SLC35B3: variants seen among roughly 807,000 people sequenced by gnomAD.
SLC35B3 encodes the protein adenosine 3'-phospho 5'-phosphosulfate transporter 2.
A neutral mutation model predicts 44.1 loss-of-function variants in SLC35B3; 35 were observed. That is an observed-to-expected ratio of 0.79 (90% CI 0.61 to 1.05). The LOEUF (loss-of-function observed/expected upper bound fraction) is 1.05, where lower values mean the gene tolerates loss of function less well. Ranked by LOEUF, SLC35B3 falls within the 50% of genes least tolerant of loss-of-function variation. The pLI, the probability that SLC35B3 is intolerant of heterozygous loss-of-function variation, is 0.00. For missense variants in SLC35B3, 414 were observed against 476.4 expected, an observed-to-expected ratio of 0.87 and a Z score of 1.22; for synonymous variants, 146 against 167.3, an observed-to-expected ratio of 0.87 and a Z score of 0.98.
rs2113289072 is a variant in SLC35B3, at chr6:8,417,394, G to C, written c.873+8C>G. ...AGATTTTTTTTTTTAAATGTGATTA[G>C]TGTTTACCTTTGCACAAAATGTTAC... On this transcript the variant is annotated splice_region_variant and intron_variant, in intron 8 of 10. Coordinates refer to ENST00000644923, the MANE Select transcript of SLC35B3 (RefSeq NM_001370476.2). 6.6e-7 allele frequency: 1 copy of C among 1,522,758 alleles called. No homozygotes were observed. Among genetic ancestry groups the C allele is most frequent in the South Asian group, 1.2e-5 (1 of 84,158 alleles). 94.3% of individuals were successfully genotyped at this position (1,522,758 alleles called of 1,614,324 possible).
chr6:8,432,854 G>A lies in SLC35B3; in HGVS notation c.3+1531C>T, dbSNP rs942706859. On this transcript the variant is annotated intron_variant, in intron 2 of 10. Transcript: ENST00000644923. The surrounding 1 kb of genome is among the most constrained non-coding windows in gnomAD (Gnocchi z 4.8). ...GGAAATACAGACCTGAATTTCCAACGCTGCCTTCTCTCCTGAGATCCAGAG... is the reference window on the plus strand; with the variant it reads ...GGAAATACAGACCTGAATTTCCAACACTGCCTTCTCTCCTGAGATCCAGAG... Among the ~76,000 whole-genome samples the A allele has an allele frequency of 5.3e-5, 8 of 152,210 alleles. No individual in the cohort carries two copies. The East Asian group carries it at 1.5e-3, about 29-fold the overall frequency.
At chr6:8,416,750 C>T (rs1762443950) in intron 9 of SLC35B3, 134 bp downstream of exon 8, 8 of 454,262 alleles carry the variant, frequency 1.8e-5, no homozygotes, top group Admixed American at 8.2e-5. Flanking sequence ...ACACCATAAG[C>T]CAAAGAATAA....
rs1218411272 is a variant in SLC35B3, at chr6:8,435,498, C to T, written c.-199G>A. The T allele has an allele frequency of 1.2e-6, 1 of 831,078 alleles. No individual in the cohort carries two copies. The highest frequency in any genetic ancestry group is 1.8e-5 in the African/African-American group (1 of 56,270). 51.5% of individuals were successfully genotyped at this position (831,078 alleles called of 1,614,324 possible). A position where few individuals can be genotyped will look rare whatever the true frequency, so the allele number is the denominator to read the frequency against. ...CTTTCCACCGCGGCGGTCGCCTCCC[C>T]GGAAAGCACTCTCAACTCCGGCGCC... On this transcript the variant is annotated 5_prime_UTR_variant, in exon 1 of 11. Coordinates refer to ENST00000644923, the MANE Select transcript of SLC35B3 (RefSeq NM_001370476.2). This position sits in a 1 kb window ranked among gnomAD's most constrained non-coding sequence, Gnocchi z 5.5.
chr6:8,429,601 C>T (rs959690750), intron 3 of SLC35B3, among the ~76,000 whole-genome samples: 3 of 152,230 alleles, frequency 2.0e-5, no homozygotes, highest in Middle Eastern at 3.4e-3. Flanking sequence ...TGGAAGCACA[C>T]ATTTTGTTAA....
chr6:8,426,378 C>A (rs1763412287), intron 4 of SLC35B3, among the ~76,000 whole-genome samples: 1 of 152,164 alleles, frequency 6.6e-6, no homozygotes, highest in Admixed American at 6.5e-5. Flanking sequence ...CAAATCTCAT[C>A]TGGAATTGTA....
At chr6:8,423,846 G>A (rs1408045078) in intron 4 of SLC35B3, among the ~76,000 whole-genome samples, 2 of 152,144 alleles carry the variant, frequency 1.3e-5, no homozygotes, top group Non-Finnish European at 2.9e-5. Flanking sequence ...ATGCCCATAT[G>A]CATCAGTGTA....
At position 8,419,566 on chromosome 6, in the gene SLC35B3, A is replaced by ACAG; in HGVS notation, c.780+13_780+14insCTG. The ACAG allele has an allele frequency of 7.5e-7, 1 of 1,330,532 alleles. No individual in the cohort carries two copies. The highest frequency in any genetic ancestry group is 1.5e-5 in the South Asian group (1 of 68,062). 82.4% of individuals were successfully genotyped at this position (1,330,532 alleles called of 1,614,324 possible). On this transcript the variant is annotated intron_variant, in intron 7 of 10. Transcript: ENST00000644923. This position sits in a 1 kb window ranked among gnomAD's most constrained non-coding sequence, Gnocchi z 4.3. Reference sequence around the variant, plus strand: ...AATCTGTCTAATTTGAAGAAAAAACACTAGAGTATTTACCATTTCAGAATT... The same window carrying ACAG: ...AATCTGTCTAATTTGAAGAAAAAACACAGCTAGAGTATTTACCATTTCAGAATT...
rs142786673 is a variant in SLC35B3 at position 8,413,595 on chromosome 6, T to G, written c.1160A>C (p.Lys387Thr). ...CCTTGACTTTCTTGCTTCCACTGATTTGTTTATCAAATCATACAGTGATGG... is the reference window on the plus strand; with the variant it reads ...CCTTGACTTTCTTGCTTCCACTGATGTGTTTATCAAATCATACAGTGATGG... Residue 387 changes from lysine to threonine, a missense_variant, in exon 11 of 11, where the codon AAA becomes ACA. Physicochemically the swap from Lys to Thr is moderately conservative, Grantham distance 78 (BLOSUM62 -1). Transcript: ENST00000644923. The G allele has an allele frequency of 1.2e-6, 2 of 1,609,444 alleles. No individual in the cohort carries two copies. Among genetic ancestry groups the G allele is most frequent in the Non-Finnish European group, 1.7e-6 (2 of 1,178,148 alleles).
intron 4 of SLC35B3, among the ~76,000 whole-genome samples, chr6:8,426,318 A>G (rs1763406359): frequency 6.6e-6 from 1 of 152,212 alleles, no homozygotes; most frequent in Admixed American, 6.5e-5. Flanking sequence ...CATAACCTGA[A>G]GGTAATTTTA....
chr6:8,414,868 C>G lies in SLC35B3; in HGVS notation c.1055+40G>C, dbSNP rs767894371. ...TAAGAGGAAATGTGAAACACAGTAT[C>G]TAAAAACTGAGAAAAATTGTTTAAT... On this transcript the variant is annotated intron_variant, in intron 10 of 10. Coordinates refer to ENST00000644923, the MANE Select transcript of SLC35B3 (RefSeq NM_001370476.2). 5 of 1,246,862 alleles carry G rather than the reference C, an allele frequency of 4.0e-6. No individual in the cohort carries two copies. In the Admixed American group the frequency reaches 9.1e-5, roughly 23 times the overall value. The allele number at this position is 1,246,862 out of a possible 1,614,324, so 77.2% of individuals were successfully genotyped here.
intron 4 of SLC35B3, among the ~76,000 whole-genome samples, chr6:8,423,433 T>G (rs1490586838): frequency 6.6e-6 from 1 of 152,128 alleles, no homozygotes; most frequent in Admixed American, 6.5e-5. Flanking sequence ...TGATTTCAAG[T>G]CTTTTAACTT....
Position 8,433,004 on chromosome 6 carries a change from A to G in SLC35B3, c.3+1381T>C, listed in dbSNP as rs1337608064. Among the ~76,000 whole-genome samples the G allele has an allele frequency of 1.3e-5, 2 of 152,130 alleles. No individual in the cohort carries two copies. The highest frequency in any genetic ancestry group is 4.8e-5 in the African/African-American group (2 of 41,432). On this transcript the variant is annotated intron_variant, in intron 2 of 10. Coordinates refer to ENST00000644923, the MANE Select transcript of SLC35B3 (RefSeq NM_001370476.2). This position sits in a 1 kb window ranked among gnomAD's most constrained non-coding sequence, Gnocchi z 4.1. ...TCTACTGTTTGTTCCTATATTCCCAATCTCACTTAACAGTACCTAGTATGA... is the reference window on the plus strand; with the variant it reads ...TCTACTGTTTGTTCCTATATTCCCAGTCTCACTTAACAGTACCTAGTATGA...
At chr6:8,417,093 A>G in intron 8 of SLC35B3, 98 bp from the exon 8 acceptor site, 2 of 659,030 alleles carry the variant, frequency 3.0e-6, no homozygotes, top group Non-Finnish European at 5.2e-6. Context: ...TTCTTGAGCA[A>G]TAAGTTGTTT....
chr6:8,434,550 T>C lies in SLC35B3; in HGVS notation c.-43-120A>G. On this transcript the variant is annotated intron_variant, in intron 1 of 10. Transcript: ENST00000644923. The surrounding 1 kb of genome is among the most constrained non-coding windows in gnomAD (Gnocchi z 6.3). Reference sequence around the variant, plus strand: ...TGTTTGAAGACTATTCTTTTTTTTTTCCAAGAGAAAAAGTTAACACTAGGA... The same window carrying C: ...TGTTTGAAGACTATTCTTTTTTTTTCCCAAGAGAAAAAGTTAACACTAGGA... 2.8e-6 allele frequency: 2 copies of C among 716,186 alleles called. No individual in the cohort carries two copies. Among genetic ancestry groups the C allele is most frequent in the Non-Finnish European group, 4.1e-6 (2 of 485,336 alleles). The allele number at this position is 716,186 out of a possible 1,614,324, so 44.4% of individuals were successfully genotyped here. A position where few individuals can be genotyped will look rare whatever the true frequency, so the allele number is the denominator to read the frequency against.
At chr6:8,426,520 C>T (rs1763425534) in intron 4 of SLC35B3, among the ~76,000 whole-genome samples, 1 of 152,124 alleles carries the variant, frequency 6.6e-6, no homozygotes, top group Non-Finnish European at 1.5e-5. Context: ...TCAGGGGTTT[C>T]CGCTTTTGCA....
rs115904394 is a variant in SLC35B3, at chr6:8,413,831, G to A, written c.1056-132C>T. On this transcript the variant is annotated intron_variant, in intron 10 of 10. Transcript: ENST00000644923. ...ATTCTATTAGAAGCCTACAATAATAGCATTAAAATAAAAATAGTATTCTTA... is the reference window on the plus strand; with the variant it reads ...ATTCTATTAGAAGCCTACAATAATAACATTAAAATAAAAATAGTATTCTTA... The A allele has an allele frequency of 2.4e-3, 1,329 of 548,062 alleles. 9 individuals are homozygous for A. The highest frequency in any genetic ancestry group is 0.024 in the African/African-American group (1,223 of 51,630). The allele number at this position is 548,062 out of a possible 1,614,324, so 33.9% of individuals were successfully genotyped here. A position where few individuals can be genotyped will look rare whatever the true frequency, so the allele number is the denominator to read the frequency against.
In SLC35B3 at chr6:8,419,652, T is replaced by C. The variant is rs1163979211; in HGVS notation, c.708A>G (p.Leu236=). The change falls in exon 7 of 11, where the codon CTA becomes CTG. Residue 236 remains leucine (L), a synonymous_variant. Coordinates refer to ENST00000644923, the MANE Select transcript of SLC35B3 (RefSeq NM_001370476.2). This position sits in a 1 kb window ranked among gnomAD's most constrained non-coding sequence, Gnocchi z 4.3. ...CATTTCCAATGACGGCATCTGCACA[T>C]AGTGCCAGGGAAATAAGCACCACAC... The C allele has an allele frequency of 2.6e-6, 4 of 1,551,048 alleles. No homozygotes were observed. The highest frequency in any genetic ancestry group is 2.6e-6 in the Non-Finnish European group (3 of 1,141,838).
intron 2 of SLC35B3, among the ~76,000 whole-genome samples, chr6:8,430,637 T>C (rs889381846): frequency 8.5e-5 from 13 of 152,112 alleles, no homozygotes; most frequent in African/African-American, 2.4e-5. Flanking sequence ...CCCAACATTT[T>C]GGGAGGCTGA....
intron 7 of SLC35B3, among the ~76,000 whole-genome samples, chr6:8,418,133 C>G (rs957946727): frequency 1.3e-5 from 2 of 152,072 alleles, no homozygotes; most frequent in Non-Finnish European, 2.9e-5. Flanking sequence ...GAAACTATAA[C>G]TTAGAGATAT....
Sources: gnomAD v4.1 joint callset for allele counts (sites outside exome capture counted in the v4.1 genomes callset) on GRCh38, gnomAD v4.1.1 for gene constraint, Gnocchi (gnomAD v3.1) non-coding constraint, MANE v1.5 for transcripts, NCBI Gene and HGNC (gene_info 2026-07-23, HGNC 2026-07-21) for gene names.